PHLPP1: variants seen among roughly 807,000 people sequenced by gnomAD.
PHLPP1 encodes the protein PH domain and leucine rich repeat protein phosphatase 1.
A neutral mutation model predicts 117.2 loss-of-function variants in PHLPP1; 42 were observed. The ratio of observed to expected loss-of-function variants is 0.36; its 90% CI spans 0.28 to 0.46. The LOEUF (loss-of-function observed/expected upper bound fraction) is 0.46, where lower values mean the gene tolerates loss of function less well. PHLPP1 is among the 20% of genes least tolerant of loss of function. The pLI is 1.00. For missense variants in PHLPP1, 2,084 were observed against 2,241.9 expected (o/e 0.93, Z 1.42); for synonymous variants, 1,042 against 970.7 (o/e 1.07, Z -1.37).
At chr18:62,976,996 G>A (rs74915097) in intron 16 of PHLPP1, among the ~76,000 whole-genome samples, 5,182 of 152,306 alleles carry the variant, frequency 0.034, 115 homozygotes, top group Middle Eastern at 0.051. Flanking sequence ...AAAACCATTG[G>A]TTTTGATAGA....
At chr18:62,817,663 T>C (rs192983074) in intron 1 of PHLPP1, among the ~76,000 whole-genome samples, 1 of 152,094 alleles carries the variant, frequency 6.6e-6, no homozygotes, top group East Asian at 1.9e-4. Flanking sequence ...AAAAAAAATT[T>C]AAAATAATGG....
At chr18:62,964,647 A>G (rs1188198936) in intron 14 of PHLPP1, among the ~76,000 whole-genome samples, 1 of 152,148 alleles carries the variant, frequency 6.6e-6, no homozygotes, top group Non-Finnish European at 1.5e-5. Flanking sequence ...CCTCATTTCC[A>G]TGGACTTTGC....
chr18:62,890,358 C>T (rs1916376700), intron 4 of PHLPP1, among the ~76,000 whole-genome samples: 2 of 152,040 alleles, frequency 1.3e-5, no homozygotes, highest in South Asian at 4.2e-4. Flanking sequence ...CCTCTGTCTC[C>T]CTGGTTCAAG....
At position 62,928,241 on chromosome 18, in the gene PHLPP1, A is replaced by G. The variant is rs186166166; in HGVS notation, c.2960+8127A>G. 9.2e-5 allele frequency among the ~76,000 whole-genome samples: 14 copies of G among 152,310 alleles called. No homozygotes were observed. In the East Asian group the frequency reaches 2.7e-3, roughly 29 times the overall value. ...TTAAAACTTGTGTGCTTCAAAGGAT[A>G]CCATCAAGAAAGTGAACGTGCAACC... On this transcript the variant is annotated intron_variant, in intron 10 of 16. Coordinates refer to ENST00000262719, the MANE Select transcript of PHLPP1 (RefSeq NM_194449.4).
chr18:62,891,240 A>G (rs1478473608), intron 4 of PHLPP1, among the ~76,000 whole-genome samples: 1 of 152,224 alleles, frequency 6.6e-6, no homozygotes, highest in Non-Finnish European at 1.5e-5. Context: ...GACCTTAAGC[A>G]ACATTTATTT....
chr18:62,809,166 G>A lies in PHLPP1; in HGVS notation c.1577-20869G>A, dbSNP rs536706565. 9.5e-4 allele frequency among the ~76,000 whole-genome samples: 144 copies of A among 152,176 alleles called. 1 individual carries two copies. Among genetic ancestry groups the A allele is most frequent in the Non-Finnish European group, 1.4e-3 (92 of 67,976 alleles). ...CGTTCCATTTTTAAACAAAACTGTC[G>A]TTTCAAACAAAAAAATAACTGAATG... On this transcript the variant is annotated intron_variant, in intron 1 of 16. Transcript: ENST00000262719.
chr18:62,758,643 G>A (rs1355357441), intron 1 of PHLPP1, among the ~76,000 whole-genome samples: 2 of 152,130 alleles, frequency 1.3e-5, no homozygotes, highest in African/African-American at 4.8e-5. Context: ...ATCTTGTTAA[G>A]TTTGTAACTT....
At chr18:62,935,815 C>T (rs1340733182) in intron 10 of PHLPP1, among the ~76,000 whole-genome samples, 3 of 152,026 alleles carry the variant, frequency 2.0e-5, no homozygotes, top group African/African-American at 7.3e-5. Context: ...ACCAGCCTGG[C>T]CAGTGTGGCA....
intron 1 of PHLPP1, among the ~76,000 whole-genome samples, chr18:62,827,360 GTT>G (rs1420538756): frequency 3.3e-4 from 50 of 152,194 alleles, no homozygotes; most frequent in African/African-American, 1.2e-3. Flanking sequence ...TATTGTCAGT[GTT>G]TATTAGAGAA....
chr18:62,837,180 T>G (rs570911970), intron 2 of PHLPP1, among the ~76,000 whole-genome samples: 1 of 152,112 alleles, frequency 6.6e-6, no homozygotes, highest in Non-Finnish European at 1.5e-5. Context: ...TTTGTAGAGA[T>G]AAGGTTTTGC....
chr18:62,717,177 C>A lies in PHLPP1; in HGVS notation c.1494C>A (p.Phe498Leu). The A allele has an allele frequency of 6.2e-7, 1 of 1,613,120 alleles. No homozygotes were observed. The highest frequency in any genetic ancestry group is 8.5e-7 in the Non-Finnish European group (1 of 1,179,516). Reference sequence around the variant, plus strand: ...TGCAGATCCAAAATGACTACCTCTTCCAACTGGGATTTGGGGAGCTGTGGA... The same window carrying A: ...TGCAGATCCAAAATGACTACCTCTTACAACTGGGATTTGGGGAGCTGTGGA... ...KPLQIQNDYL[F>L]QLGFGELWRV... Residue 498 changes from phenylalanine (F) to leucine (L), a missense_variant, in exon 1 of 17, where the codon TTC becomes TTA. Transcript: ENST00000262719.
intron 1 of PHLPP1, among the ~76,000 whole-genome samples, chr18:62,789,393 T>C (rs1427487248): frequency 6.6e-6 from 1 of 152,214 alleles, no homozygotes; most frequent in Non-Finnish European, 1.5e-5. Context: ...ATGACAGATT[T>C]AGTTGTTAAA....
rs779610862 is a variant in PHLPP1 at position 62,830,065 on chromosome 18, G to C, written c.1607G>C (p.Arg536Pro). 6.2e-7 allele frequency: 1 copy of C among 1,613,234 alleles called. No homozygotes were observed. The highest frequency in any genetic ancestry group is 8.5e-7 in the Non-Finnish European group (1 of 1,179,518). The change falls in exon 2 of 17, where the codon CGG becomes CCG. Residue 536 changes from arginine to proline, a missense_variant. By Grantham distance (103) the Arg-to-Pro change is moderately radical. Coordinates refer to ENST00000262719, the MANE Select transcript of PHLPP1 (RefSeq NM_194449.4). ...CCTCACAGCACGGGTAGCTCTGAAC[G>C]GATTCAGCTCTCAGGAATGTATAAT... is the stretch of plus-strand genomic sequence containing the variant. ...GKPHSTGSSERIQLSGMYNVR... is the reference protein window; with the variant it reads ...GKPHSTGSSEPIQLSGMYNVR...
chr18:62,888,420 G>A (rs576984133), intron 4 of PHLPP1, among the ~76,000 whole-genome samples: 3 of 151,336 alleles, frequency 2.0e-5, no homozygotes, highest in South Asian at 4.2e-4. Flanking sequence ...GGCTTACCTG[G>A]CCAAGCGTGG....
rs770525601 is a variant in PHLPP1, at chr18:62,895,081, A to G, written c.2137A>G (p.Ile713Val). 9.3e-6 allele frequency: 15 copies of G among 1,613,918 alleles called. 1 individual carries two copies. In the South Asian group the frequency reaches 1.6e-4, roughly 18 times the overall value. Reference protein sequence around the residue: ...LGDFPLAVCSIPTLAELNVSC... With the variant: ...LGDFPLAVCSVPTLAELNVSC... ...GGACTTCCCACTGGCAGTCTGCAGT[A>G]TTCCAACCCTGGCAGAGCTGAACGT... The change falls in exon 5 of 17, where the codon ATT (isoleucine) becomes GTT (valine). Residue 713 changes from isoleucine to valine, a missense_variant. By Grantham distance (29) the Ile-to-Val change is conservative (BLOSUM62 3). Transcript: ENST00000262719.
At chr18:62,735,746 C>T (rs1321767056) in intron 1 of PHLPP1, among the ~76,000 whole-genome samples, 1 of 152,146 alleles carries the variant, frequency 6.6e-6, no homozygotes, top group Non-Finnish European at 1.5e-5. Context: ...CACAATTATA[C>T]TTACCCCATG....
At chr18:62,919,377 GAC>G (rs1909393361) in intron 9 of PHLPP1, among the ~76,000 whole-genome samples, 1 of 152,200 alleles carries the variant, frequency 6.6e-6, no homozygotes, top group Non-Finnish European at 1.5e-5. Context: ...TCTTTCGGGA[GAC>G]AGTCTCTACC....
At chr18:62,796,488 T>G (rs1339254073) in intron 1 of PHLPP1, among the ~76,000 whole-genome samples, 1 of 152,232 alleles carries the variant, frequency 6.6e-6, no homozygotes, top group Non-Finnish European at 1.5e-5. Flanking sequence ...AAGGAATTGT[T>G]CAAACATAAC....
At chr18:62,900,054 TG>T (rs1236063341) in intron 6 of PHLPP1, among the ~76,000 whole-genome samples, 1 of 152,034 alleles carries the variant, frequency 6.6e-6, no homozygotes, top group Non-Finnish European at 1.5e-5. Flanking sequence ...CTCAGCACTT[TG>T]GGAGGCCGAG....
Sources: allele counts gnomAD v4.1 joint callset (sites outside exome capture counted in the v4.1 genomes callset), GRCh38; gene constraint gnomAD v4.1.1; transcripts MANE v1.5; gene names NCBI Gene and HGNC (gene_info 2026-07-23, HGNC 2026-07-21).